The following GRIK2 variants were observed in gnomAD, a reference collection of about 807,000 sequenced individuals.
GRIK2 encodes the protein glutamate receptor ionotropic, kainate 2.
Under a neutral mutation model 100.3 loss-of-function variants are expected in GRIK2, and 32 were observed. The observed-to-expected ratio is 0.32, with a 90% CI of 0.24 to 0.43. The LOEUF (loss-of-function observed/expected upper bound fraction) is 0.43. GRIK2 is among the 20% of genes least tolerant of loss of function. GRIK2 has a pLI of 1.00. For synonymous variants in GRIK2, 417 were observed against 389.4 expected (o/e 1.07, Z -0.83); for missense variants, 843 against 1,114.9 (o/e 0.76, Z 3.47).
At chr6:101,477,393 C>A (rs1220630334) in intron 2 of GRIK2, among the ~76,000 whole-genome samples, 1 of 152,152 alleles carries the variant, frequency 6.6e-6, no homozygotes, top group Admixed American at 6.5e-5. Flanking sequence ...CCCACAATGG[C>A]CCTTCTTGAG....
At chr6:101,776,451 G>A (rs1323620770) in intron 7 of GRIK2, among the ~76,000 whole-genome samples, 2 of 152,056 alleles carry the variant, frequency 1.3e-5, no homozygotes, top group South Asian at 2.1e-4. Flanking sequence ...TTACAAAACC[G>A]GTATAAAATC....
intron 14 of GRIK2, among the ~76,000 whole-genome samples, chr6:102,017,990 G>A (rs760637515): frequency 7.2e-5 from 11 of 152,018 alleles, no homozygotes; most frequent in African/African-American, 1.7e-4. Flanking sequence ...GTTCTTGGCC[G>A]GATAATTCCA....
chr6:101,555,745 CAT>C (rs1776706586), intron 2 of GRIK2, among the ~76,000 whole-genome samples: 1 of 151,984 alleles, frequency 6.6e-6, no homozygotes, highest in Admixed American at 6.6e-5. Flanking sequence ...AGTGGAAAAA[CAT>C]TATGCATTTG....
At chr6:101,867,258 A>C (rs2128446652) in intron 11 of GRIK2, among the ~76,000 whole-genome samples, 1 of 152,098 alleles carries the variant, frequency 6.6e-6, no homozygotes, top group African/African-American at 2.4e-5. Context: ...CTTCTTTGTA[A>C]AAAAGCAACT....
intron 12 of GRIK2, among the ~76,000 whole-genome samples, chr6:101,913,721 A>T (rs1258660227): frequency 6.6e-6 from 1 of 151,498 alleles, no homozygotes; most frequent in African/African-American, 2.4e-5. Flanking sequence ...TAATAAAGGA[A>T]CATTTTTCCT....
At chr6:101,760,658 TTAATTATATA>T (rs1562364668) in intron 7 of GRIK2, among the ~76,000 whole-genome samples, 1 of 102,990 alleles carries the variant, frequency 9.7e-6, no homozygotes, top group Non-Finnish European at 1.8e-5. Context: ...AATTATATGT[TTAATTATATA>T]TAATTATATA....
At chr6:102,016,335 A>T (rs1252740439) in intron 14 of GRIK2, among the ~76,000 whole-genome samples, 1 of 152,124 alleles carries the variant, frequency 6.6e-6, no homozygotes, top group East Asian at 1.9e-4. Context: ...ACACTATAAT[A>T]ATTTTATATT....
At chr6:101,609,704 C>A (rs911679789) in intron 2 of GRIK2, among the ~76,000 whole-genome samples, 3 of 151,816 alleles carry the variant, frequency 2.0e-5, no homozygotes, top group African/African-American at 7.2e-5. Context: ...AAAACTCACA[C>A]TACATGTGAG....
At chr6:101,799,884 C>A in intron 8 of GRIK2, 93 bp downstream of exon 8, 1 of 961,168 alleles carries the variant, frequency 1.0e-6, no homozygotes, top group Admixed American at 2.5e-5. Context: ...TGTCCTTTTA[C>A]TTTATGTTTA....
At chr6:101,828,205 A>G (rs1011383525) in intron 10 of GRIK2, among the ~76,000 whole-genome samples, 2 of 152,016 alleles carry the variant, frequency 1.3e-5, no homozygotes, top group Non-Finnish European at 2.9e-5. Context: ...AAATTAAGGG[A>G]GAAATTTAAA....
At chr6:101,670,140 T>C (rs1374715977) in intron 4 of GRIK2, among the ~76,000 whole-genome samples, 3 of 151,798 alleles carry the variant, frequency 2.0e-5, no homozygotes, top group African/African-American at 7.3e-5. Context: ...CTTTTGTACT[T>C]AAAAAAAATG....
Position 101,626,646 on chromosome 6 carries a change from A to T in GRIK2, c.541+9A>T. 6.2e-7 allele frequency: 1 copy of T among 1,611,202 alleles called. No homozygotes were observed. Among genetic ancestry groups the T allele is most frequent in the Non-Finnish European group, 8.5e-7 (1 of 1,177,824 alleles). On this transcript the variant is annotated intron_variant, in intron 4 of 16. Transcript: ENST00000369134. Reference sequence around the variant, plus strand: ...GTATGATGACAGCACTGGTAAGAAAAATCAGTATCTTTTGGAGCTATGCTT... The same window carrying T: ...GTATGATGACAGCACTGGTAAGAAATATCAGTATCTTTTGGAGCTATGCTT...
intron 10 of GRIK2, among the ~76,000 whole-genome samples, chr6:101,856,340 G>T (rs2128441905): frequency 6.6e-6 from 1 of 152,260 alleles, no homozygotes; most frequent in South Asian, 2.1e-4. Flanking sequence ...GGGAAAACAA[G>T]AATTATATTT....
chr6:101,600,084 T>G (rs181808092), intron 2 of GRIK2, among the ~76,000 whole-genome samples: 80 of 151,986 alleles, frequency 5.3e-4, no homozygotes, highest in Non-Finnish European at 5.5e-4. Context: ...TTATGTAAGG[T>G]TAAAAGTAGG....
intron 2 of GRIK2, among the ~76,000 whole-genome samples, chr6:101,441,267 C>T (rs1770035650): frequency 1.3e-5 from 2 of 152,108 alleles, no homozygotes; most frequent in Non-Finnish European, 2.9e-5. Context: ...CTTGTCATCA[C>T]AGTATTCTTG....
At chr6:101,908,778 A>G (rs1788424248) in intron 12 of GRIK2, among the ~76,000 whole-genome samples, 2 of 108,334 alleles carry the variant, frequency 1.8e-5, no homozygotes, top group African/African-American at 7.3e-5. Context: ...AAGGATAAAA[A>G]TGGAGATATA....
At chr6:102,056,966 T>C (rs1771493343) in intron 16 of GRIK2, among the ~76,000 whole-genome samples, 1 of 152,034 alleles carries the variant, frequency 6.6e-6, no homozygotes, top group African/African-American at 2.4e-5. Context: ...TTATGCTTGC[T>C]TGGCTAACTC....
At chr6:101,739,054 A>C (rs1169017958) in intron 7 of GRIK2, among the ~76,000 whole-genome samples, 8 of 152,172 alleles carry the variant, frequency 5.3e-5, no homozygotes, top group Admixed American at 5.2e-4. Flanking sequence ...CTGTCTATGG[A>C]ATTGCTAATT....
At chr6:101,647,703 T>C (rs1334066422) in intron 4 of GRIK2, among the ~76,000 whole-genome samples, 1 of 152,066 alleles carries the variant, frequency 6.6e-6, no homozygotes, top group Non-Finnish European at 1.5e-5. Context: ...TATTTGTTTT[T>C]AACTAAAGAT....
Sources: allele counts gnomAD v4.1 joint callset (sites outside exome capture counted in the v4.1 genomes callset), GRCh38; gene constraint gnomAD v4.1.1; transcripts MANE v1.5; gene names NCBI Gene and HGNC (gene_info 2026-07-23, HGNC 2026-07-21).